Variants in ENDOU observed in about 807,000 individuals in gnomAD.
The protein encoded by ENDOU is uridylate-specific endoribonuclease.
Under a neutral mutation model 54.2 loss-of-function variants are expected in ENDOU, and 49 were observed. That is an observed-to-expected ratio of 0.90 (90% CI 0.72 to 1.15). The LOEUF (loss-of-function observed/expected upper bound fraction) is 1.15, where lower values mean the gene tolerates loss of function less well. Ranked by LOEUF, ENDOU falls within the 50% of genes most tolerant of loss-of-function variation. The pLI is 0.00. For synonymous variants in ENDOU, 172 were observed against 190.5 expected (o/e 0.90, Z 0.80); for missense variants, 458 against 511.4 (o/e 0.90, Z 1.01).
chr12:47,716,578 A>G (rs948502500), intron 5 of ENDOU, 79 bp from the exon 6 acceptor site: 10 of 1,348,348 alleles, frequency 7.4e-6, no homozygotes, highest in Non-Finnish European at 1.0e-5. Context: ...TAGACAGGCC[A>G]GGGGCAGACA....
chr12:47,710,538 G>A lies in ENDOU; in HGVS notation c.*264C>T. On this transcript the variant is annotated 3_prime_UTR_variant, in exon 10 of 10. Transcript: ENST00000422538. Reference sequence around the variant, plus strand: ...ACATCAGGGCAGAGAGCTATGGAGGGTTCCTACCTTCTCTGCTTGGACTCT... The same window carrying A: ...ACATCAGGGCAGAGAGCTATGGAGGATTCCTACCTTCTCTGCTTGGACTCT... 1 of 385,072 alleles carries A rather than the reference G, an allele frequency of 2.6e-6. No homozygotes were observed. The highest frequency in any genetic ancestry group is 3.7e-5 in the Admixed American group (1 of 26,686). The allele number at this position is 385,072 out of a possible 1,614,324, so 23.9% of individuals were successfully genotyped here.
At chr12:47,718,003 T>G in intron 3 of ENDOU, 126 bp downstream of exon 3, 1 of 859,240 alleles carries the variant, frequency 1.2e-6, no homozygotes, top group Non-Finnish European at 1.8e-6. Flanking sequence ...GTTCCCAGAA[T>G]CCAACAAGCC....
At chr12:47,711,006 G>C in intron 9 of ENDOU, 87 bp from the exon 10 acceptor site, 1 of 822,620 alleles carries the variant, frequency 1.2e-6, no homozygotes, top group Admixed American at 2.3e-5. Flanking sequence ...AACTGAAGCA[G>C]AAGGGCTCCA....
At chr12:47,713,229 C>A in intron 7 of ENDOU, 46 bp downstream of exon 7, 1 of 1,336,564 alleles carries the variant, frequency 7.5e-7, no homozygotes. Context: ...CAAAGCCATT[C>A]CTCTTCATCC....
Position 47,716,378 on chromosome 12 carries a change from C to T in ENDOU, c.673G>A (p.Ala225Thr), listed in dbSNP as rs560766257. The T allele has an allele frequency of 3.7e-6, 6 of 1,614,188 alleles. No individual in the cohort carries two copies. The South Asian group carries it at 5.5e-5, about 15-fold the overall frequency. ...TCTCTGAGGAAGGCGTCCTGCTCGGCCAGCTCCTGGGCACTGAAGTGCTCC... is the reference window on the plus strand; with the variant it reads ...TCTCTGAGGAAGGCGTCCTGCTCGGTCAGCTCCTGGGCACTGAAGTGCTCC... ...HGEHFSAQEL[A>T]EQDAFLREIM... The change falls in exon 6 of 10, where the codon GCC (alanine) becomes ACC (threonine). Residue 225 changes from alanine to threonine, a missense_variant. Transcript: ENST00000422538.
At chr12:47,720,356 G>A in intron 2 of ENDOU, 1 of 166,970 alleles carries the variant, frequency 6.0e-6, no homozygotes, top group Non-Finnish European at 1.3e-5. Context: ...AGTCTTCCTG[G>A]CAGTACACAA....
chr12:47,713,250 T>G (rs756669131), intron 7 of ENDOU, 25 bp downstream of exon 7: 1 of 1,506,402 alleles, frequency 6.6e-7, no homozygotes, highest in Admixed American at 1.7e-5. Context: ...CTCCAACTCT[T>G]TCTTTCCAAG....
intron 7 of ENDOU, among the ~76,000 whole-genome samples, chr12:47,713,037 G>A (rs1359619761): frequency 6.6e-6 from 1 of 152,022 alleles, no homozygotes; most frequent in Non-Finnish European, 1.5e-5. Context: ...TACCCCCTTG[G>A]GAGCCCCAGC....
At position 47,716,519 on chromosome 12, in the gene ENDOU, G is replaced by T. The variant is rs775029149; in HGVS notation, c.552-20C>A. 4 of 1,609,862 alleles carry T rather than the reference G, an allele frequency of 2.5e-6. No individual in the cohort carries two copies. The highest frequency in any genetic ancestry group is 2.2e-5 in the East Asian group (1 of 44,862). On this transcript the variant is annotated intron_variant, in intron 5 of 9. Coordinates refer to ENST00000422538, the MANE Select transcript of ENDOU (RefSeq NM_001172439.2). ...AAGAGTCTGGGGGAGGCAGAGGGGA[G>T]CCCCACTGAGAGCCCCAAACACAGG...
rs143604647 is a variant in ENDOU at position 47,720,628 on chromosome 12, C to T, written c.178+125G>A. Reference sequence around the variant, plus strand: ...AATTCCTGACCCTGCCTCTGTCCCTCAGTGCTTTCTGTCCAGACCCTTAGA... The same window carrying T: ...AATTCCTGACCCTGCCTCTGTCCCTTAGTGCTTTCTGTCCAGACCCTTAGA... On this transcript the variant is annotated intron_variant, in intron 2 of 9. Transcript: ENST00000422538. The T allele has an allele frequency of 5.0e-4, 516 of 1,026,882 alleles. 4 individuals carry two copies. The African/African-American group carries it at 7.9e-3, about 16-fold the overall frequency. 63.6% of individuals were successfully genotyped at this position (1,026,882 alleles called of 1,614,324 possible). A position where few individuals can be genotyped will look rare whatever the true frequency, so the allele number is the denominator to read the frequency against.
Position 47,713,740 on chromosome 12 carries a change from C to CGGG in ENDOU, c.752-355_752-353dup, listed in dbSNP as rs58687571. 8.0e-4 allele frequency among the ~76,000 whole-genome samples: 86 copies of CGGG among 107,620 alleles called. 1 individual carries two copies. Among genetic ancestry groups the CGGG allele is most frequent in the African/African-American group, 3.1e-3 (69 of 21,960 alleles). The allele number at this position is 107,620 out of a possible 152,430, so 70.6% of individuals were successfully genotyped here. A position where few individuals can be genotyped will look rare whatever the true frequency, so the allele number is the denominator to read the frequency against. On this transcript the variant is annotated intron_variant, in intron 6 of 9. Coordinates refer to ENST00000422538, the MANE Select transcript of ENDOU (RefSeq NM_001172439.2). ...GGGAAAGGGCTGGCACATAAGTTGG[C>CGGG]GGGGGGGGGGGGTCTTCTAGAAAGG...
rs751052292 is a variant in ENDOU, at chr12:47,717,518, C to T, written c.382G>A (p.Glu128Lys). Residue 128 changes from glutamate to lysine, a missense_variant and splice_region_variant, in exon 4 of 10, where the codon GAG (glutamate) becomes AAG (lysine). Glu to Lys is a moderately conservative substitution (Grantham distance 56). Transcript: ENST00000422538. The part of the protein sequence containing the change: ...KDFESLCSDH[E>K]VSHSSDAITK... Reference sequence around the variant, plus strand: ...TTAGCTAAGGGAGCAGAAGACTAACCGTGGTCACTACACAGGCTCTCAAAA... The same window carrying T: ...TTAGCTAAGGGAGCAGAAGACTAACTGTGGTCACTACACAGGCTCTCAAAA... 2.0e-5 allele frequency: 33 copies of T among 1,613,892 alleles called. No individual in the cohort carries two copies. In the East Asian group the frequency reaches 2.7e-4, roughly 13 times the overall value.
In ENDOU at chr12:47,709,752, G is replaced by A. The variant is rs956343617; in HGVS notation, c.*1050C>T. On this transcript the variant is annotated 3_prime_UTR_variant, in exon 10 of 10. Transcript: ENST00000422538. ...ACACTCATTTCAAGTTTTCTTCAAT[G>A]ACTTTAATTGGAAACTTGAACCTTC... 6.6e-6 allele frequency: 1 copy of A among 152,166 alleles called. No individual in the cohort carries two copies. The highest frequency in any genetic ancestry group is 1.5e-5 in the Non-Finnish European group (1 of 68,030). 9.4% of individuals were successfully genotyped at this position (152,166 alleles called of 1,614,324 possible).
Position 47,718,160 on chromosome 12 carries a change from C to T in ENDOU, c.213G>A (p.Leu71=), listed in dbSNP as rs923206494. 1.9e-6 allele frequency: 3 copies of T among 1,583,110 alleles called. No homozygotes were observed. The highest frequency in any genetic ancestry group is 2.6e-6 in the Non-Finnish European group (3 of 1,162,890). Residue 71 remains leucine (L), a synonymous_variant, in exon 3 of 10, where the codon CTG becomes CTA. Coordinates refer to ENST00000422538, the MANE Select transcript of ENDOU (RefSeq NM_001172439.2). ...DHKESEPLPQ[L]EEETEEALAS... ...CGAGGGCCTCTTCTGTCTCTTCCTC[C>T]AGCTGTGGCAATGGCTCTGACTCTT...
intron 7 of ENDOU, 32 bp downstream of exon 7, chr12:47,713,243 C>T (rs1300543535): frequency 6.9e-7 from 1 of 1,446,660 alleles, no homozygotes; most frequent in South Asian, 1.1e-5. Flanking sequence ...TTCATCCCTC[C>T]AACTCTTTCT....
rs780124929 is a variant in ENDOU at position 47,716,382 on chromosome 12, C to A, written c.669G>T (p.Glu223Asp). The change falls in exon 6 of 10, where the codon GAG becomes GAT. Residue 223 changes from glutamate to aspartate, a missense_variant. Glu to Asp is a conservative substitution (Grantham distance 45, BLOSUM62 2). Coordinates refer to ENST00000422538, the MANE Select transcript of ENDOU (RefSeq NM_001172439.2). ...TGAGGAAGGCGTCCTGCTCGGCCAGCTCCTGGGCACTGAAGTGCTCCCCAT... is the reference window on the plus strand; with the variant it reads ...TGAGGAAGGCGTCCTGCTCGGCCAGATCCTGGGCACTGAAGTGCTCCCCAT... The part of the protein sequence containing the change: ...TGHGEHFSAQ[E>D]LAEQDAFLRE... 5 of 1,614,184 alleles carry A rather than the reference C, an allele frequency of 3.1e-6. No homozygotes were observed. In the South Asian group the frequency reaches 4.4e-5, roughly 14 times the overall value.
rs1282867548 is a variant in ENDOU, at chr12:47,716,301, C to G, written c.750G>C (p.Gln250His). The G allele has an allele frequency of 6.2e-7, 1 of 1,614,028 alleles. No individual in the cohort carries two copies. The highest frequency in any genetic ancestry group is 8.5e-7 in the Non-Finnish European group (1 of 1,179,984). ...TGGGGCCTGGGGGTGCTCACTCACT[C>G]TGGTGATGGAGGAAGCTGTAGAGCT... ...MKELYSFLHH[Q>H]NRYGSEQEFV... Residue 250 changes from glutamine (Q) to histidine (H), a missense_variant and splice_region_variant, in exon 6 of 10, where the codon CAG (glutamine) becomes CAC (histidine). Gln to His is a conservative substitution (Grantham distance 24, BLOSUM62 0). Transcript: ENST00000422538.
At chr12:47,725,143 T>A (rs1171204517) in intron 1 of ENDOU, among the ~76,000 whole-genome samples, 1 of 152,170 alleles carries the variant, frequency 6.6e-6, no homozygotes, top group Admixed American at 6.5e-5. Flanking sequence ...AATCAGACCA[T>A]CAGCCCTGCA....
At chr12:47,717,396 A>C in intron 4 of ENDOU, 122 bp downstream of exon 4, 2 of 1,108,428 alleles carry the variant, frequency 1.8e-6, no homozygotes, top group Non-Finnish European at 2.6e-6. Flanking sequence ...GAAGCCCCAG[A>C]GTTTGTGTTT....
Sources: allele counts gnomAD v4.1 joint callset (sites outside exome capture counted in the v4.1 genomes callset), GRCh38; gene constraint gnomAD v4.1.1; transcripts MANE v1.5; gene names NCBI Gene and HGNC (gene_info 2026-07-23, HGNC 2026-07-21).